Variants in DZIP3 observed in about 807,000 individuals in gnomAD.
DZIP3 encodes E3 ubiquitin-protein ligase DZIP3.
Under a neutral mutation model 162.0 loss-of-function variants are expected in DZIP3, and 118 were observed. The observed-to-expected ratio is 0.73, with a 90% CI of 0.63 to 0.85. The LOEUF (loss-of-function observed/expected upper bound fraction) is 0.85. DZIP3 is among the 40% of genes least tolerant of loss of function. DZIP3 has a pLI of 0.00. For missense variants in DZIP3, 1,331 were observed against 1,407.0 expected (o/e 0.95, Z 0.86); for synonymous variants, 438 against 458.6 (o/e 0.96, Z 0.57).
At chr3:108,637,649 T>A in intron 12 of DZIP3, 101 bp downstream of exon 12, 4 of 382,338 alleles carry the variant, frequency 1.0e-5, no homozygotes, top group Non-Finnish European at 1.7e-5. Flanking sequence ...AGAGCTGCAT[T>A]AAATTTTAAG....
intron 17 of DZIP3, among the ~76,000 whole-genome samples, chr3:108,649,627 T>C (rs1228306478): frequency 6.6e-6 from 1 of 151,840 alleles, no homozygotes; most frequent in Non-Finnish European, 1.5e-5. Flanking sequence ...ATTTAAAATC[T>C]TGATATATTC....
At chr3:108,614,658 CA>C in intron 4 of DZIP3, among the ~76,000 whole-genome samples, 1 of 152,210 alleles carries the variant, frequency 6.6e-6, no homozygotes, top group African/African-American at 2.4e-5. Flanking sequence ...AGCTACTTCT[CA>C]TGGCAGCTCA....
At chr3:108,666,545 A>T (rs1943686101) in intron 21 of DZIP3, among the ~76,000 whole-genome samples, 1 of 152,206 alleles carries the variant, frequency 6.6e-6, no homozygotes, top group African/African-American at 2.4e-5. Flanking sequence ...AGCAGGACCT[A>T]ACTGATATTT....
intron 12 of DZIP3, among the ~76,000 whole-genome samples, chr3:108,639,413 G>C (rs149143664): frequency 6.6e-6 from 1 of 152,210 alleles, no homozygotes; most frequent in African/African-American, 2.4e-5. Flanking sequence ...ACTTTCTTGG[G>C]TGGTGGATCC....
chr3:108,688,219 T>G, intron 29 of DZIP3, 123 bp downstream of exon 29: 1 of 1,212,186 alleles, frequency 8.2e-7, no homozygotes, highest in Non-Finnish European at 1.1e-6. Context: ...TTAAATCATC[T>G]ATTAACAGTA....
At chr3:108,605,548 A>G in intron 2 of DZIP3, 110 bp downstream of exon 2, 1 of 1,028,496 alleles carries the variant, frequency 9.7e-7, no homozygotes, top group Non-Finnish European at 1.5e-6. Flanking sequence ...AAACTGTTCG[A>G]CTTCAGATCA....
chr3:108,653,734 C>G (rs1942978042), intron 18 of DZIP3, among the ~76,000 whole-genome samples: 1 of 151,604 alleles, frequency 6.6e-6, no homozygotes, highest in African/African-American at 2.4e-5. Context: ...TTAAACCAAC[C>G]TACTTGTCAA....
At position 108,634,856 on chromosome 3, in the gene DZIP3, T is replaced by C. The variant is rs748627576; in HGVS notation, c.817-15T>C. 6.4e-7 allele frequency: 1 copy of C among 1,568,406 alleles called. No individual in the cohort carries two copies. The highest frequency in any genetic ancestry group is 8.7e-7 in the Non-Finnish European group (1 of 1,145,608). On this transcript the variant is annotated splice_polypyrimidine_tract_variant and intron_variant, in intron 9 of 32. Transcript: ENST00000361582. ...ACCATGTCCTTATTGATAACTTACTTTTATTTTTTTCCAGGGATTTTTTCA... is the reference window on the plus strand; with the variant it reads ...ACCATGTCCTTATTGATAACTTACTCTTATTTTTTTCCAGGGATTTTTTCA...
At chr3:108,679,232 C>G (rs1000722426) in intron 26 of DZIP3, among the ~76,000 whole-genome samples, 1 of 152,074 alleles carries the variant, frequency 6.6e-6, no homozygotes, top group African/African-American at 2.4e-5. Flanking sequence ...GACTGTGAAG[C>G]TGTTGTTTGG....
intron 21 of DZIP3, among the ~76,000 whole-genome samples, chr3:108,665,355 G>A (rs995270087): frequency 1.3e-5 from 2 of 152,080 alleles, no homozygotes; most frequent in Non-Finnish European, 2.9e-5. Flanking sequence ...CTAGTAAAGT[G>A]GAGATGACAG....
At chr3:108,690,429 A>G (rs1944650053) in intron 31 of DZIP3, among the ~76,000 whole-genome samples, 1 of 152,178 alleles carries the variant, frequency 6.6e-6, no homozygotes, top group Admixed American at 6.5e-5. Flanking sequence ...CTTTTGTATC[A>G]TTAGTTATGA....
intron 19 of DZIP3, among the ~76,000 whole-genome samples, chr3:108,661,345 A>G (rs1208510505): frequency 6.6e-6 from 1 of 152,130 alleles, no homozygotes; most frequent in Non-Finnish European, 1.5e-5. Flanking sequence ...GGGACATGGA[A>G]GAAGCTGGAA....
Position 108,590,840 on chromosome 3 carries a change from A to G in DZIP3, c.-73+1001A>G, listed in dbSNP as rs905200700. Reference sequence around the variant, plus strand: ...TGGCCAAGGGAGATACCTGGTTCATAGGACTGTTCATTCAATAAGTAGTTC... The same window carrying G: ...TGGCCAAGGGAGATACCTGGTTCATGGGACTGTTCATTCAATAAGTAGTTC... On this transcript the variant is annotated intron_variant, in intron 1 of 32. Transcript: ENST00000361582. Among the ~76,000 whole-genome samples, 10 of 152,330 alleles carry G rather than the reference A, an allele frequency of 6.6e-5. No homozygotes were observed. In the South Asian group the frequency reaches 1.5e-3, roughly 22 times the overall value.
intron 3 of DZIP3, among the ~76,000 whole-genome samples, chr3:108,609,004 C>T (rs924814952): frequency 1.3e-5 from 2 of 152,026 alleles, no homozygotes; most frequent in East Asian, 3.8e-4. Flanking sequence ...CTTCACGTGG[C>T]GGCAGGAGAG....
At chr3:108,674,256 T>A in intron 24 of DZIP3, 75 bp downstream of exon 24, 1 of 1,308,624 alleles carries the variant, frequency 7.6e-7, no homozygotes, top group Non-Finnish European at 1.1e-6. Flanking sequence ...GAATATAATC[T>A]GTGATGTGTT....
intron 26 of DZIP3, among the ~76,000 whole-genome samples, chr3:108,680,761 G>C (rs1368794741): frequency 6.6e-6 from 1 of 152,080 alleles, no homozygotes. Flanking sequence ...CAGATATATA[G>C]ACCAATGGAA....
chr3:108,624,461 TG>T lies in DZIP3; in HGVS notation c.395del (p.Gly132ValfsTer4). On this transcript the variant is annotated frameshift_variant, in exon 6 of 33. Transcript: ENST00000361582. LOFTEE classifies it high-confidence loss of function. ...CTTTGTAGGCACACCAGATTAATAT[TG>T]GTTATTATTTGACATTACTGTTTTT... ...GNYTAHQINI[G>X]YYLTLLFLYG... 6.3e-7 allele frequency: 1 copy of T among 1,594,738 alleles called. No homozygotes were observed. Among genetic ancestry groups the T allele is most frequent in the South Asian group, 1.1e-5 (1 of 88,824 alleles).
At chr3:108,629,714 A>G (rs1941742741) in intron 8 of DZIP3, among the ~76,000 whole-genome samples, 1 of 151,952 alleles carries the variant, frequency 6.6e-6, no homozygotes, top group Non-Finnish European at 1.5e-5. Context: ...CTGGAAATAT[A>G]TAGTATTTTT....
At chr3:108,681,702 T>C (rs2107399159) in intron 26 of DZIP3, among the ~76,000 whole-genome samples, 1 of 152,026 alleles carries the variant, frequency 6.6e-6, no homozygotes, top group African/African-American at 2.4e-5. Flanking sequence ...AGTGATAAAC[T>C]GGATAAAGAA....
Sources: gnomAD v4.1 joint callset for allele counts (sites outside exome capture counted in the v4.1 genomes callset) on GRCh38, gnomAD v4.1.1 for gene constraint, MANE v1.5 for transcripts, NCBI Gene and HGNC (gene_info 2026-07-23, HGNC 2026-07-21) for gene names.